Variants in APOH observed in about 807,000 individuals in gnomAD.
The protein encoded by APOH is beta-2-glycoprotein 1.
Under a neutral mutation model 39.8 loss-of-function variants are expected in APOH, and 48 were observed. The ratio of observed to expected loss-of-function variants is 1.21; its 90% CI spans 0.96 to 1.54. The LOEUF (loss-of-function observed/expected upper bound fraction) is 1.54, where lower values mean the gene tolerates loss of function less well. Ranked by LOEUF, APOH falls within the 40% of genes most tolerant of loss-of-function variation. APOH has a pLI of 0.00. For missense variants in APOH, 415 were observed against 421.2 expected (o/e 0.99, Z 0.13); for synonymous variants, 153 against 151.1 (o/e 1.01, Z -0.09).
intron 7 of APOH, 80 bp downstream of exon 7, chr17:66,214,373 A>C (rs2073351922): frequency 7.1e-7 from 1 of 1,399,538 alleles, no homozygotes; most frequent in Admixed American, 1.8e-5. Context: ...CTGGTTTTTG[A>C]CAATCATTAT....
chr17:66,217,975 A>G (rs1367222339), intron 5 of APOH, among the ~76,000 whole-genome samples: 1 of 152,118 alleles, frequency 6.6e-6, no homozygotes, highest in Non-Finnish European at 1.5e-5. Flanking sequence ...TGTCTATAAT[A>G]ATACTAAAAA....
intron 2 of APOH, 104 bp downstream of exon 2, chr17:66,227,916 A>G (rs545554785): frequency 4.6e-4 from 581 of 1,260,780 alleles, no homozygotes; most frequent in Non-Finnish European, 5.7e-4. Flanking sequence ...TTTCTGCAGC[A>G]TCTACTGGCC....
Position 66,212,036 on chromosome 17 carries a change from G to A in APOH, c.*97C>T, listed in dbSNP as rs752992912. On this transcript the variant is annotated 3_prime_UTR_variant, in exon 8 of 8. Transcript: ENST00000205948. ...ATGAAGCTAACACTGCAATGGGTGC[G>A]GCAATAAATTCAGTAGCTTTATTTT... The A allele has an allele frequency of 1.1e-5, 11 of 1,017,630 alleles. No homozygotes were observed. Among genetic ancestry groups the A allele is most frequent in the Middle Eastern group, 2.0e-4 (1 of 4,912 alleles). 63.0% of individuals were successfully genotyped at this position (1,017,630 alleles called of 1,614,324 possible). A position where few individuals can be genotyped will look rare whatever the true frequency, so the allele number is the denominator to read the frequency against.
At position 66,220,638 on chromosome 17, in the gene APOH, A is replaced by T. The variant is rs749720642; in HGVS notation, c.520T>A (p.Cys174Ser). The T allele has an allele frequency of 6.2e-7, 1 of 1,614,206 alleles. No individual in the cohort carries two copies. Among genetic ancestry groups the T allele is most frequent in the South Asian group, 1.1e-5 (1 of 91,080 alleles). Residue 174 changes from cysteine (C) to serine (S), a missense_variant, in exon 5 of 8, where the codon TGT becomes AGT. This residue lies in a region of APOH where 288 missense variants were observed against 284.9 expected (regional missense o/e 1.01). Transcript: ENST00000205948. ...CCAAACATCGCATGTTGTGGCAAAC[A>T]TTCAAAAACTGCTGTGTCCCGATAG... is the stretch of plus-strand genomic sequence containing the variant. ...SLYRDTAVFE[C>S]LPQHAMFGND...
intron 5 of APOH, among the ~76,000 whole-genome samples, chr17:66,217,344 AC>A (rs35673901): frequency 0.14 from 17,706 of 125,664 alleles, 1,304 homozygotes; most frequent in African/African-American, 0.18. Flanking sequence ...CAAAGACTGA[AC>A]CCCCCCCCCC....
chr17:66,216,344 G>A (rs908830401), intron 6 of APOH, among the ~76,000 whole-genome samples: 5 of 151,936 alleles, frequency 3.3e-5, no homozygotes, highest in Admixed American at 1.3e-4. Context: ...TTAGCCAGGT[G>A]TGGTGGTGGG....
chr17:66,225,927 C>A, intron 3 of APOH, 101 bp downstream of exon 3: 1 of 749,902 alleles, frequency 1.3e-6, no homozygotes, highest in South Asian at 2.4e-5. Flanking sequence ...AAAGTCCAAC[C>A]TAAAGGCTGA....
At chr17:66,225,964 T>C in intron 3 of APOH, 64 bp downstream of exon 3, 1 of 1,154,858 alleles carries the variant, frequency 8.7e-7, no homozygotes, top group Middle Eastern at 2.0e-4. Flanking sequence ...AGTCTTGATG[T>C]TTAGCTTAAG....
intron 6 of APOH, among the ~76,000 whole-genome samples, chr17:66,216,164 C>T (rs2073363905): frequency 8.4e-6 from 1 of 118,418 alleles, no homozygotes; most frequent in African/African-American, 3.4e-5. Flanking sequence ...GAGACTCCAT[C>T]TCAAAAAAAA....
intron 5 of APOH, among the ~76,000 whole-genome samples, chr17:66,219,073 T>C (rs1408545465): frequency 6.6e-6 from 1 of 152,074 alleles, no homozygotes; most frequent in Non-Finnish European, 1.5e-5. Context: ...ATTAAAGGTG[T>C]GATTCTTGAT....
chr17:66,221,366 G>T (rs2073399959), intron 4 of APOH, among the ~76,000 whole-genome samples: 1 of 58,390 alleles, frequency 1.7e-5, no homozygotes, highest in African/African-American at 9.6e-5. Flanking sequence ...AGGAGGGGAG[G>T]GGAGGGGAGG....
chr17:66,216,713 C>G (rs988048954), intron 6 of APOH, 75 bp downstream of exon 6: 1 of 1,421,552 alleles, frequency 7.0e-7, no homozygotes. Context: ...AGTGTTGGAA[C>G]AAGAAAATAG....
Position 66,226,067 on chromosome 17 carries a change from A to G in APOH, c.299T>C (p.Phe100Ser), listed in dbSNP as rs894371590. 2.5e-6 allele frequency: 4 copies of G among 1,613,750 alleles called. No homozygotes were observed. The highest frequency in any genetic ancestry group is 2.7e-5 in the African/African-American group (2 of 75,032). Residue 100 changes from phenylalanine (F) to serine (S), a missense_variant, in exon 3 of 8, where the codon TTT becomes TCT. Phe to Ser is a radical substitution (Grantham distance 155). Around this residue, in one of 3 missense-constraint regions of APOH, gnomAD observed 288 missense variants for 284.9 expected, o/e 1.01. Transcript: ENST00000205948. ...LENGAVRYTTFEYPNTISFSC... is the reference protein window; with the variant it reads ...LENGAVRYTTSEYPNTISFSC... ...AAAACTGATCGTGTTGGGATATTCA[A>G]AAGTCGTATAGCGTACGGCTCCATT...
chr17:66,224,492 G>GAAAA, intron 3 of APOH, among the ~76,000 whole-genome samples: 1 of 76,584 alleles, frequency 1.3e-5, no homozygotes, highest in Non-Finnish European at 2.5e-5. Flanking sequence ...AAAAAAAAAA[G>GAAAA]AAAAGAAAAG....
Position 66,223,722 on chromosome 17 carries a change from T to A in APOH, c.391A>T (p.Ser131Cys). 6.2e-7 allele frequency: 1 copy of A among 1,614,182 alleles called. No homozygotes were observed. Among genetic ancestry groups the A allele is most frequent in the Non-Finnish European group, 8.5e-7 (1 of 1,180,022 alleles). The change falls in exon 4 of 8, where the codon AGC becomes TGC. Residue 131 changes from serine (S) to cysteine (C), a missense_variant. Physicochemically the swap from Ser to Cys is moderately radical, Grantham distance 112. This residue lies in a region of APOH where 288 missense variants were observed against 284.9 expected (regional missense o/e 1.01). Transcript: ENST00000205948. ...SAKCTEEGKW[S>C]PELPVCAPII... Reference sequence around the variant, plus strand: ...CGAGCACAGACAGGAAGCTCCGGGCTCCATTTTCCTTCCTCAGTGCACTTG... The same window carrying A: ...CGAGCACAGACAGGAAGCTCCGGGCACCATTTTCCTTCCTCAGTGCACTTG...
In APOH at chr17:66,223,716, C is replaced by T. The variant is rs775142630; in HGVS notation, c.397G>A (p.Glu133Lys). ...KCTEEGKWSP[E>K]LPVCAPIICP... Reference sequence around the variant, plus strand: ...GACTTACGAGCACAGACAGGAAGCTCCGGGCTCCATTTTCCTTCCTCAGTG... The same window carrying T: ...GACTTACGAGCACAGACAGGAAGCTTCGGGCTCCATTTTCCTTCCTCAGTG... The change falls in exon 4 of 8, where the codon GAG becomes AAG. Residue 133 changes from glutamate (E) to lysine (K), a missense_variant. Around this residue, in one of 3 missense-constraint regions of APOH, gnomAD observed 288 missense variants for 284.9 expected, o/e 1.01. Coordinates refer to ENST00000205948, the MANE Select transcript of APOH (RefSeq NM_000042.3). 53 of 1,614,046 alleles carry T rather than the reference C, an allele frequency of 3.3e-5. No individual in the cohort carries two copies. Among genetic ancestry groups the T allele is most frequent in the Admixed American group, 6.7e-5 (4 of 59,992 alleles).
chr17:66,214,561 G>C lies in APOH; in HGVS notation c.874C>G (p.His292Asp), dbSNP rs753128006. 6.2e-7 allele frequency: 1 copy of C among 1,613,938 alleles called. No homozygotes were observed. Among genetic ancestry groups the C allele is most frequent in the Non-Finnish European group, 8.5e-7 (1 of 1,179,870 alleles). The change falls in exon 7 of 8, where the codon CAT (histidine) becomes GAT (aspartate). Residue 292 changes from histidine to aspartate, a missense_variant. Around this residue, in one of 3 missense-constraint regions of APOH, gnomAD observed 120 missense variants for 110.6 expected, o/e 1.08. Coordinates refer to ENST00000205948, the MANE Select transcript of APOH (RefSeq NM_000042.3). ...CAGAAGAAAGAAACTTTATCACCATGTAGCATTCCATTCTTAAATTTTTCC... is the reference window on the plus strand; with the variant it reads ...CAGAAGAAAGAAACTTTATCACCATCTAGCATTCCATTCTTAAATTTTTCC... ...IQEKFKNGML[H>D]GDKVSFFCKN...
chr17:66,224,405 T>G (rs1305441257), intron 3 of APOH, among the ~76,000 whole-genome samples: 2 of 119,922 alleles, frequency 1.7e-5, no homozygotes, highest in African/African-American at 3.4e-5. Context: ...ACCTGGGAGG[T>G]CGAGGCTGCA....
chr17:66,225,872 G>A lies in APOH; in HGVS notation c.338+156C>T, dbSNP rs535803921. On this transcript the variant is annotated intron_variant, in intron 3 of 7. Transcript: ENST00000205948. ...AGCCTGGGCGACAGAGCGAGACTCC[G>A]TCTCAAAAAAAAAAAAAAGCAGGAC... Among the ~76,000 whole-genome samples, 664 of 142,298 alleles carry A rather than the reference G, an allele frequency of 4.7e-3. 4 individuals are homozygous for A. Among genetic ancestry groups the A allele is most frequent in the African/African-American group, 0.016 (607 of 36,996 alleles). The allele number at this position is 142,298 out of a possible 152,430, so 93.4% of individuals were successfully genotyped here.
Sources: gnomAD v4.1 joint callset for allele counts (sites outside exome capture counted in the v4.1 genomes callset) on GRCh38, gnomAD v4.1.1 for gene constraint, gnomAD v4.1.1 regional missense constraint, MANE v1.5 for transcripts, NCBI Gene and HGNC (gene_info 2026-07-23, HGNC 2026-07-21) for gene names.